LRMDA: variants seen among roughly 807,000 people sequenced by gnomAD.
The protein encoded by LRMDA is leucine-rich melanocyte differentiation-associated protein.
Under a neutral mutation model 29.8 loss-of-function variants are expected in LRMDA, and 18 were observed. The ratio of observed to expected loss-of-function variants is 0.60; its 90% CI spans 0.42 to 0.90. LRMDA has a LOEUF of 0.90. Among genes scored for constraint, LRMDA ranks in the 40% least tolerant of loss-of-function variants. The pLI, the probability that LRMDA is intolerant of heterozygous loss-of-function variation, is 0.00. For synonymous variants in LRMDA, 125 were observed against 109.4 expected, an observed-to-expected ratio of 1.14 and a Z score of -0.89; for missense variants, 273 against 273.9, an observed-to-expected ratio of 1.00 and a Z score of 0.02.
At chr10:76,490,169 T>C (rs1326436157) in intron 6 of LRMDA, among the ~76,000 whole-genome samples, 1 of 152,172 alleles carries the variant, frequency 6.6e-6, no homozygotes, top group East Asian at 1.9e-4. Context: ...TTGATATTAG[T>C]TCAATATTTT....
intron 6 of LRMDA, among the ~76,000 whole-genome samples, chr10:76,457,070 A>G (rs1842464227): frequency 6.6e-6 from 1 of 152,156 alleles, no homozygotes; most frequent in Admixed American, 6.5e-5. Flanking sequence ...CATTGTCTCC[A>G]AGAACTGTCA....
intron 6 of LRMDA, among the ~76,000 whole-genome samples, chr10:76,473,359 T>C (rs1842636673): frequency 6.6e-6 from 1 of 151,394 alleles, no homozygotes; most frequent in Non-Finnish European, 1.5e-5. Context: ...AAAAGAAAGC[T>C]TCCCCAACGC....
chr10:75,580,296 A>C (rs2132076416), intron 2 of LRMDA, among the ~76,000 whole-genome samples: 1 of 152,346 alleles, frequency 6.6e-6, no homozygotes, highest in South Asian at 2.1e-4. Flanking sequence ...CAGAGAGCCA[A>C]ATCATGAGTG....
intron 6 of LRMDA, among the ~76,000 whole-genome samples, chr10:76,335,515 T>A (rs1840956402): frequency 1.3e-5 from 2 of 152,232 alleles, no homozygotes; most frequent in African/African-American, 2.4e-5. Flanking sequence ...AGGATGCGCC[T>A]GTGACACAGC....
At chr10:75,787,044 G>A (rs1353178874) in intron 2 of LRMDA, among the ~76,000 whole-genome samples, 1 of 152,194 alleles carries the variant, frequency 6.6e-6, no homozygotes, top group Non-Finnish European at 1.5e-5. Context: ...AGATTTGTCT[G>A]TGCTGTCGCC....
At chr10:75,856,530 A>T (rs140860898) in intron 2 of LRMDA, among the ~76,000 whole-genome samples, 458 of 152,334 alleles carry the variant, frequency 3.0e-3, no homozygotes, top group African/African-American at 0.011. Flanking sequence ...GGTTCAACAT[A>T]TGCAAATCAA....
At chr10:75,993,718 G>A (rs1288994972) in intron 2 of LRMDA, among the ~76,000 whole-genome samples, 1 of 150,886 alleles carries the variant, frequency 6.6e-6, no homozygotes, top group African/African-American at 2.4e-5. Flanking sequence ...GGGTGACAGA[G>A]CGAGACTTCA....
chr10:76,034,528 G>A (rs1381103287), intron 2 of LRMDA, among the ~76,000 whole-genome samples: 1 of 152,136 alleles, frequency 6.6e-6, no homozygotes, highest in African/African-American at 2.4e-5. Flanking sequence ...GGAACATGCC[G>A]GCAGAGCTCT....
chr10:75,888,083 T>C (rs1845420456), intron 2 of LRMDA, among the ~76,000 whole-genome samples: 1 of 152,210 alleles, frequency 6.6e-6, no homozygotes, highest in African/African-American at 2.4e-5. Flanking sequence ...ACGTTTCTAA[T>C]GGTCACTCTC....
chr10:75,867,714 AG>A (rs1451183289), intron 2 of LRMDA, among the ~76,000 whole-genome samples: 1 of 152,194 alleles, frequency 6.6e-6, no homozygotes, highest in Non-Finnish European at 1.5e-5. Flanking sequence ...CTCAGGATTT[AG>A]GGTTCTGTTT....
At chr10:76,537,021 C>CT (rs1843298563) in intron 6 of LRMDA, among the ~76,000 whole-genome samples, 1 of 152,058 alleles carries the variant, frequency 6.6e-6, no homozygotes, top group African/African-American at 2.4e-5. Context: ...TTTATATTTG[C>CT]TTAAATATTA....
At chr10:76,112,257 T>C (rs1042991601) in intron 5 of LRMDA, among the ~76,000 whole-genome samples, 6 of 152,058 alleles carry the variant, frequency 3.9e-5, no homozygotes, top group Non-Finnish European at 5.9e-5. Flanking sequence ...GCCAGGAGGC[T>C]CTGGGTGGGG....
intron 5 of LRMDA, among the ~76,000 whole-genome samples, chr10:76,179,415 A>G (rs1211979635): frequency 6.6e-6 from 1 of 151,972 alleles, no homozygotes; most frequent in Non-Finnish European, 1.5e-5. Flanking sequence ...CTCAAGTGAC[A>G]CTGATGGCTG....
chr10:76,051,587 G>C (rs1198520937), intron 4 of LRMDA, among the ~76,000 whole-genome samples: 2 of 152,190 alleles, frequency 1.3e-5, no homozygotes, highest in Admixed American at 1.3e-4. Flanking sequence ...AGGTGTTGGG[G>C]GTGGTTATAT....
chr10:75,922,101 A>G lies in LRMDA; in HGVS notation c.132-113907A>G, dbSNP rs78923807. Among the ~76,000 whole-genome samples the G allele has an allele frequency of 4.4e-3, 675 of 152,280 alleles. 2 individuals carry two copies. The highest frequency in any genetic ancestry group is 0.016 in the African/African-American group (652 of 41,566). On this transcript the variant is annotated intron_variant, in intron 2 of 6. Transcript: ENST00000611255. ...CTGGGTTGATATCTGTTTCCTGCCCATCCTGGTGGCCAGACTTCCCAACAA... is the reference window on the plus strand; with the variant it reads ...CTGGGTTGATATCTGTTTCCTGCCCGTCCTGGTGGCCAGACTTCCCAACAA...
chr10:75,581,556 C>A (rs1009438394), intron 2 of LRMDA, among the ~76,000 whole-genome samples: 3 of 149,110 alleles, frequency 2.0e-5, no homozygotes, highest in African/African-American at 7.7e-5. Context: ...CCCAGTAATC[C>A]CATTACTGGG....
chr10:76,122,710 A>C (rs973009515), intron 5 of LRMDA, among the ~76,000 whole-genome samples: 4 of 152,118 alleles, frequency 2.6e-5, no homozygotes, highest in Admixed American at 6.6e-5. Flanking sequence ...TCATCCTCCT[A>C]CTTACCTACA....
At chr10:76,196,099 G>A (rs1425863327) in intron 5 of LRMDA, among the ~76,000 whole-genome samples, 1 of 152,208 alleles carries the variant, frequency 6.6e-6, no homozygotes, top group East Asian at 1.9e-4. Flanking sequence ...TGAGGCCTGA[G>A]TTACTAAGAA....
chr10:76,181,053 G>A (rs1262040858), intron 5 of LRMDA, among the ~76,000 whole-genome samples: 5 of 152,118 alleles, frequency 3.3e-5, no homozygotes, highest in South Asian at 2.1e-4. Flanking sequence ...AGTGTCTCCC[G>A]CTTTGCTCCC....
Sources: allele counts gnomAD v4.1 joint callset (sites outside exome capture counted in the v4.1 genomes callset), GRCh38; gene constraint gnomAD v4.1.1; transcripts MANE v1.5; gene names NCBI Gene and HGNC (gene_info 2026-07-23, HGNC 2026-07-21).